The following OR51B5 variants were observed in gnomAD, a reference collection of about 807,000 sequenced individuals.
The protein encoded by OR51B5 is olfactory receptor 51B5.
For missense variants in OR51B5, 456 were observed against 374.6 expected (o/e 1.22, Z -1.79); for synonymous variants, 186 against 144.8 (o/e 1.28, Z -2.04).
intron 1 of OR51B5, among the ~76,000 whole-genome samples, chr11:5,462,355 C>G (rs1851069533): frequency 1.3e-5 from 2 of 152,158 alleles, no homozygotes; most frequent in East Asian, 1.9e-4. Flanking sequence ...GAATTAATTT[C>G]TGTGTGAACT....
upstream of OR51B5, chr11:5,346,377 A>AT (rs1279892994): frequency 1.3e-5 from 2 of 152,178 alleles, no homozygotes; most frequent in Non-Finnish European, 2.9e-5. Flanking sequence ...CAATGAGAGA[A>AT]GAGATAAAAG....
chr11:5,375,650 G>A (rs990193175), intron 1 of OR51B5, among the ~76,000 whole-genome samples: 8 of 151,916 alleles, frequency 5.3e-5, no homozygotes, highest in African/African-American at 1.9e-4. Context: ...AAAAAGGCAG[G>A]GGTTGCAATC....
At chr11:5,364,607 T>C (rs373691360) in intron 1 of OR51B5, among the ~76,000 whole-genome samples, 9 of 82,066 alleles carry the variant, frequency 1.1e-4, no homozygotes, top group Non-Finnish European at 2.4e-4. Context: ...GTGAGAGGTA[T>C]TTATGTGTCT....
chr11:5,408,820 C>G lies in OR51B5; in HGVS notation n.85-61910G>C, dbSNP rs373989531. ...CTGTAGACAAGATTTATGAAGTTAT[C>G]AAAGGAAAATTTCCCCTACTTCCTG... On this transcript the variant is annotated intron_variant and non_coding_transcript_variant, in intron 1 of 4. Coordinates refer to the OR51B5 transcript ENST00000415970. Among the ~76,000 whole-genome samples, 8 of 152,240 alleles carry G rather than the reference C, an allele frequency of 5.3e-5. No individual in the cohort carries two copies. The East Asian group carries it at 1.2e-3, about 22-fold the overall frequency.
intron 1 of OR51B5, among the ~76,000 whole-genome samples, chr11:5,375,704 G>A (rs1849515833): frequency 1.3e-5 from 2 of 152,110 alleles, no homozygotes; most frequent in South Asian, 4.2e-4. Flanking sequence ...AAGATCAAAA[G>A]AGACAAAGAA....
intron 1 of OR51B5, among the ~76,000 whole-genome samples, chr11:5,493,565 G>C (rs1317441626): frequency 6.6e-6 from 1 of 152,048 alleles, no homozygotes; most frequent in Non-Finnish European, 1.5e-5. Context: ...TAGATTTAAG[G>C]TATTAATATA....
chr11:5,396,884 C>T (rs547829180), intron 1 of OR51B5, among the ~76,000 whole-genome samples: 26 of 152,278 alleles, frequency 1.7e-4, no homozygotes, highest in African/African-American at 6.3e-4. Context: ...AAACAGAGCC[C>T]TCAGAAATAA....
chr11:5,432,452 G>A (rs879816567), intron 1 of OR51B5, among the ~76,000 whole-genome samples: 15 of 152,146 alleles, frequency 9.9e-5, no homozygotes, highest in Non-Finnish European at 1.9e-4. Context: ...GGCTTGGTTT[G>A]AGTTTTAACT....
intron 1 of OR51B5, among the ~76,000 whole-genome samples, chr11:5,429,198 C>A (rs944889397): frequency 5.3e-5 from 8 of 150,710 alleles, no homozygotes; most frequent in Admixed American, 4.7e-4. Context: ...CCCTGCCCAC[C>A]AAACTACCCT....
In OR51B5 at chr11:5,438,747, C is replaced by T. The variant is rs565172259; in HGVS notation, n.84+66822G>A. 3.3e-5 allele frequency among the ~76,000 whole-genome samples: 5 copies of T among 152,188 alleles called. No homozygotes were observed. In the South Asian group the frequency reaches 6.2e-4, roughly 19 times the overall value. ...CAAGACGAGGGCTTATTGTATTAAA[C>T]GTCATTTGTGGGGAAATTTTGAAGC... On this transcript the variant is annotated intron_variant and non_coding_transcript_variant, in intron 1 of 4. Transcript: ENST00000415970.
chr11:5,398,413 C>A (rs1849914824), intron 1 of OR51B5, among the ~76,000 whole-genome samples: 1 of 152,104 alleles, frequency 6.6e-6, no homozygotes, highest in Non-Finnish European at 1.5e-5. Flanking sequence ...CTCCTAGAGA[C>A]TCTGATCAGC....
chr11:5,460,944 T>C (rs1331699845), intron 1 of OR51B5, among the ~76,000 whole-genome samples: 1 of 152,214 alleles, frequency 6.6e-6, no homozygotes, highest in Non-Finnish European at 1.5e-5. Context: ...CAAGCACCTG[T>C]TGCACTGGAG....
intron 1 of OR51B5, among the ~76,000 whole-genome samples, chr11:5,480,485 G>C (rs1265804321): frequency 4.0e-5 from 6 of 149,798 alleles, no homozygotes; most frequent in Non-Finnish European, 6.0e-5. Context: ...AAAGCTAGCA[G>C]AAGGCAAGAA....
chr11:5,378,414 G>A (rs571533823), intron 1 of OR51B5, among the ~76,000 whole-genome samples: 57 of 152,256 alleles, frequency 3.7e-4, no homozygotes, highest in South Asian at 2.1e-3. Flanking sequence ...AGGACTTCAT[G>A]TCTAAAACAC....
At chr11:5,446,276 A>G (rs971714327) in intron 1 of OR51B5, among the ~76,000 whole-genome samples, 1 of 149,792 alleles carries the variant, frequency 6.7e-6, no homozygotes, top group Admixed American at 6.7e-5. Flanking sequence ...ATAAAAAAAG[A>G]AAGTAGAATA....
chr11:5,437,904 G>T (rs1280390872), intron 1 of OR51B5, among the ~76,000 whole-genome samples: 2 of 152,118 alleles, frequency 1.3e-5, no homozygotes, highest in Non-Finnish European at 2.9e-5. Context: ...TCTATCAAGT[G>T]GTGCGATGGT....
rs138098926 is a variant in OR51B5 at position 5,426,097 on chromosome 11, G to C, written n.85-79187C>G. 2.0e-5 allele frequency among the ~76,000 whole-genome samples: 3 copies of C among 152,278 alleles called. No homozygotes were observed. The East Asian group carries it at 5.8e-4, about 29-fold the overall frequency. The stretch of plus-strand genomic sequence containing the variant: ...GAATCCAAAATGCATATTGCTAAGT[G>C]AAAGAAGCCTGTCTTAAAAGGCTAA... On this transcript the variant is annotated intron_variant and non_coding_transcript_variant, in intron 1 of 4. Coordinates refer to the OR51B5 transcript ENST00000415970.
At chr11:5,447,215 G>A (rs1191862229) in intron 1 of OR51B5, among the ~76,000 whole-genome samples, 2 of 152,188 alleles carry the variant, frequency 1.3e-5, no homozygotes, top group Non-Finnish European at 2.9e-5. Flanking sequence ...TGACTCTTTT[G>A]TGACTCTTTA....
chr11:5,341,589 A>G (rs1370954330), downstream of OR51B5, among the ~76,000 whole-genome samples: 1 of 152,194 alleles, frequency 6.6e-6, no homozygotes, highest in African/African-American at 2.4e-5. Context: ...CTAACTCATC[A>G]GACAATTTTA....
Sources: gnomAD v4.1 joint callset for allele counts (sites outside exome capture counted in the v4.1 genomes callset) on GRCh38, gnomAD v4.1.1 for gene constraint, MANE v1.5 for transcripts, NCBI Gene and HGNC (gene_info 2026-07-23, HGNC 2026-07-21) for gene names.